The following ADTRP variants were observed in gnomAD, a reference collection of about 807,000 sequenced individuals.
ADTRP encodes the protein androgen dependent TFPI regulating protein.
In ADTRP, 20 loss-of-function variants were observed where a neutral mutation model predicts 27.0. The observed-to-expected ratio is 0.74, with a 90% CI of 0.52 to 1.08. ADTRP has a LOEUF of 1.08. Ranked by LOEUF, ADTRP falls within the 50% of genes least tolerant of loss-of-function variation. The pLI is 0.00. For synonymous variants in ADTRP, 101 were observed against 105.2 expected (o/e 0.96, Z 0.25); for missense variants, 251 against 275.0 (o/e 0.91, Z 0.62).
intron 4 of ADTRP, among the ~76,000 whole-genome samples, chr6:11,731,361 C>T (rs1381010235): frequency 6.6e-6 from 1 of 152,176 alleles, no homozygotes; most frequent in Non-Finnish European, 1.5e-5. Context: ...CATTTTAAAG[C>T]ATAATTTGCT....
intron 3 of ADTRP, among the ~76,000 whole-genome samples, chr6:11,765,792 A>G (rs1205028767): frequency 1.3e-5 from 2 of 152,138 alleles, no homozygotes; most frequent in Non-Finnish European, 2.9e-5. Flanking sequence ...TGAATAAAAA[A>G]CCAAATGGAA....
intron 5 of ADTRP, among the ~76,000 whole-genome samples, chr6:11,718,616 TC>T (rs1761911680): frequency 6.6e-6 from 1 of 152,134 alleles, no homozygotes; most frequent in Non-Finnish European, 1.5e-5. Context: ...AGAGACAGCT[TC>T]CCCCATCTGC....
Position 11,735,415 on chromosome 6 carries a change from CAAT to C in ADTRP, c.506+150_506+152del, listed in dbSNP as rs575482335. Among the ~76,000 whole-genome samples, 144 of 152,332 alleles carry C rather than the reference CAAT, an allele frequency of 9.5e-4. 1 individual carries two copies. The highest frequency in any genetic ancestry group is 2.7e-3 in the Admixed American group (42 of 15,304). On this transcript the variant is annotated intron_variant, in intron 4 of 5. Transcript: ENST00000414691. ...GGTTTCCATGAGCATTAAAATCAAA[CAAT>C]AAGAATGCTTCTTACCTGGAAATGT... is the stretch of plus-strand genomic sequence containing the variant.
chr6:11,752,806 T>C (rs1430663207), intron 3 of ADTRP, among the ~76,000 whole-genome samples: 4 of 152,188 alleles, frequency 2.6e-5, no homozygotes, highest in African/African-American at 9.7e-5. Flanking sequence ...TGGAACCATA[T>C]GGAGAAAGGG....
At chr6:11,767,469 C>T (rs866252718) in intron 2 of ADTRP, among the ~76,000 whole-genome samples, 7 of 152,192 alleles carry the variant, frequency 4.6e-5, no homozygotes, top group Admixed American at 2.0e-4. Context: ...TGGAGAGTTG[C>T]ATTTTGCATT....
chr6:11,727,979 TAGGGAGGG>T (rs35686998), intron 4 of ADTRP, among the ~76,000 whole-genome samples: 909 of 53,336 alleles, frequency 0.017, 8 homozygotes, highest in Non-Finnish European at 0.022. Flanking sequence ...GGGAGGTAGG[TAGGGAGGG>T]AGGGAGGGAG....
chr6:11,734,994 A>C (rs1045959797), intron 4 of ADTRP, among the ~76,000 whole-genome samples: 1 of 150,908 alleles, frequency 6.6e-6, no homozygotes, highest in African/African-American at 2.4e-5. Flanking sequence ...ATTATAGACT[A>C]TTGGGCAGCG....
In ADTRP at chr6:11,768,211, C is replaced by T. The variant is rs746957300; in HGVS notation, c.288+38G>A. 12 of 1,611,322 alleles carry T rather than the reference C, an allele frequency of 7.4e-6. No individual in the cohort carries two copies. The Admixed American group carries it at 2.0e-4, about 27-fold the overall frequency. On this transcript the variant is annotated intron_variant, in intron 2 of 5. Transcript: ENST00000414691. ...CAGGAGAAGCGTCTGTCCATATGCACATTTCTGTTAGATTATGTACACATC... is the reference window on the plus strand; with the variant it reads ...CAGGAGAAGCGTCTGTCCATATGCATATTTCTGTTAGATTATGTACACATC...
intron 3 of ADTRP, among the ~76,000 whole-genome samples, chr6:11,758,580 G>A (rs1437555945): frequency 8.4e-6 from 1 of 118,554 alleles, no homozygotes; most frequent in African/African-American, 3.2e-5. Context: ...TGGGGTGGGG[G>A]GGGGGGACGG....
At position 11,745,170 on chromosome 6, in the gene ADTRP, ATCTCTC is replaced by A. The variant is rs56245898; in HGVS notation, c.391-9493_391-9488del. Among the ~76,000 whole-genome samples, 276 of 147,838 alleles carry A rather than the reference ATCTCTC, an allele frequency of 1.9e-3. 5 individuals carry two copies. Among genetic ancestry groups the A allele is most frequent in the African/African-American group, 6.0e-3 (241 of 40,120 alleles). ...TAATCAGTTGATTTAGGGTTAGTCA[ATCTCTC>A]TCTCTCTCTCTCTCTCTCTCTGTGG... On this transcript the variant is annotated intron_variant, in intron 3 of 5. Coordinates refer to ENST00000414691, the MANE Select transcript of ADTRP (RefSeq NM_032744.4).
chr6:11,764,580 G>C (rs1174494924), intron 3 of ADTRP, among the ~76,000 whole-genome samples: 1 of 150,738 alleles, frequency 6.6e-6, no homozygotes, highest in African/African-American at 2.4e-5. Flanking sequence ...ACACTTTGCT[G>C]TATTGATCAA....
At chr6:11,741,006 C>G (rs1164723913) in intron 3 of ADTRP, among the ~76,000 whole-genome samples, 1 of 152,112 alleles carries the variant, frequency 6.6e-6, no homozygotes, top group Non-Finnish European at 1.5e-5. Flanking sequence ...TGTAAAAATT[C>G]CCTTTTCTAC....
At chr6:11,766,717 C>T (rs1763584207) in intron 2 of ADTRP, among the ~76,000 whole-genome samples, 1 of 152,188 alleles carries the variant, frequency 6.6e-6, no homozygotes. Flanking sequence ...TCTAAACTTT[C>T]ACCAGGAATG....
At chr6:11,750,372 A>G (rs1763007291) in intron 3 of ADTRP, among the ~76,000 whole-genome samples, 1 of 152,216 alleles carries the variant, frequency 6.6e-6, no homozygotes, top group Admixed American at 6.5e-5. Context: ...TGTGTGCATA[A>G]CTTCCATGCT....
At chr6:11,742,038 T>G (rs1762735920) in intron 3 of ADTRP, among the ~76,000 whole-genome samples, 1 of 152,086 alleles carries the variant, frequency 6.6e-6, no homozygotes, top group Non-Finnish European at 1.5e-5. Flanking sequence ...CTTTTCCCTA[T>G]TTTGGTACCT....
At chr6:11,758,594 G>A (rs943372621) in intron 3 of ADTRP, among the ~76,000 whole-genome samples, 37 of 127,340 alleles carry the variant, frequency 2.9e-4, no homozygotes, top group African/African-American at 1.1e-3. Flanking sequence ...GGGACGGATA[G>A]CATTAGGAGG....
At chr6:11,732,075 A>G (rs979695026) in intron 4 of ADTRP, among the ~76,000 whole-genome samples, 20 of 152,210 alleles carry the variant, frequency 1.3e-4, no homozygotes, top group African/African-American at 4.1e-4. Context: ...AATGCTTTCC[A>G]AAGGAAATGA....
At chr6:11,753,032 A>G (rs1400799609) in intron 3 of ADTRP, among the ~76,000 whole-genome samples, 1 of 152,242 alleles carries the variant, frequency 6.6e-6, no homozygotes, top group East Asian at 1.9e-4. Flanking sequence ...GGAACCCAAT[A>G]TCAAGAGAGG....
chr6:11,778,025 T>C (rs1434051156), intron 1 of ADTRP, among the ~76,000 whole-genome samples: 1 of 152,192 alleles, frequency 6.6e-6, no homozygotes, highest in African/African-American at 2.4e-5. Flanking sequence ...AGTCATAAGA[T>C]TGGTTTTTAA....
Sources: gnomAD v4.1 joint callset for allele counts (sites outside exome capture counted in the v4.1 genomes callset) on GRCh38, gnomAD v4.1.1 for gene constraint, MANE v1.5 for transcripts, NCBI Gene and HGNC (gene_info 2026-07-23, HGNC 2026-07-21) for gene names.